The following PPM1L variants were observed in gnomAD, a reference collection of about 807,000 sequenced individuals.
PPM1L encodes the protein protein phosphatase 1L.
PPM1L carries 13 observed loss-of-function variants against 31.4 expected under a neutral mutation model. The observed-to-expected ratio is 0.41, with a 90% CI of 0.27 to 0.66. PPM1L has a LOEUF of 0.66. Ranked by LOEUF, PPM1L falls within the 30% of genes least tolerant of loss-of-function variation. The pLI, the probability that PPM1L is intolerant of heterozygous loss-of-function variation, is 0.29. For missense variants in PPM1L, 326 were observed against 453.7 expected (o/e 0.72, Z 2.56); for synonymous variants, 184 against 175.4 (o/e 1.05, Z -0.39).
intron 1 of PPM1L, among the ~76,000 whole-genome samples, chr3:160,827,312 A>AT (rs1325606828): frequency 6.6e-6 from 1 of 151,898 alleles, no homozygotes; most frequent in Non-Finnish European, 1.5e-5. Flanking sequence ...TTACTGGCTG[A>AT]TTTTTTAAAA....
chr3:160,827,116 T>G (rs1005709808), intron 1 of PPM1L, among the ~76,000 whole-genome samples: 3 of 152,194 alleles, frequency 2.0e-5, no homozygotes, highest in African/African-American at 7.2e-5. Flanking sequence ...CTCTTTGTGC[T>G]TGGCTGCTTT....
At chr3:160,922,114 T>C (rs1576715766) in intron 1 of PPM1L, among the ~76,000 whole-genome samples, 2 of 152,024 alleles carry the variant, frequency 1.3e-5, no homozygotes. Flanking sequence ...ATCAAGACCA[T>C]CCTGGCTAAC....
In PPM1L at chr3:160,835,086, T is replaced by TTCTTCTTCTTCTTTC. The variant is rs11474788; in HGVS notation, c.399+78380_399+78381insCTTCTTCTTCTTTCT. Reference sequence around the variant, plus strand: ...CTTCTTCTTCTTCTTCTTCTTCTTCTTTCTTTTTTCTTTCTTCTTTCTTCC... The same window carrying TTCTTCTTCTTCTTTC: ...CTTCTTCTTCTTCTTCTTCTTCTTCTTCTTCTTCTTCTTTCTTCTTTTTTCTTTCTTCTTTCTTCC... On this transcript the variant is annotated intron_variant, in intron 1 of 3. Coordinates refer to ENST00000498165, the MANE Select transcript of PPM1L (RefSeq NM_139245.4). 5.5e-3 allele frequency among the ~76,000 whole-genome samples: 585 copies of TTCTTCTTCTTCTTTC among 106,260 alleles called. 11 individuals are homozygous for TTCTTCTTCTTCTTTC. Among genetic ancestry groups the TTCTTCTTCTTCTTTC allele is most frequent in the African/African-American group, 0.021 (557 of 26,580 alleles). The allele number at this position is 106,260 out of a possible 152,430, so 69.7% of individuals were successfully genotyped here. A position where few individuals can be genotyped will look rare whatever the true frequency, so the allele number is the denominator to read the frequency against.
intron 1 of PPM1L, among the ~76,000 whole-genome samples, chr3:160,821,421 A>G (rs1328835810): frequency 6.6e-6 from 1 of 151,940 alleles, no homozygotes; most frequent in Non-Finnish European, 1.5e-5. Context: ...CATATTTTTT[A>G]ATTTCTGCAG....
Position 161,070,512 on chromosome 3 carries a change from T to C in PPM1L, c.*1355T>C, listed in dbSNP as rs997639522. Reference sequence around the variant, plus strand: ...TATTGATAAGTGGGCCAGAATTATTTAGGGGCCTGGCTTGCTGCTCTCCAT... The same window carrying C: ...TATTGATAAGTGGGCCAGAATTATTCAGGGGCCTGGCTTGCTGCTCTCCAT... On this transcript the variant is annotated 3_prime_UTR_variant, in exon 4 of 4. Coordinates refer to ENST00000498165, the MANE Select transcript of PPM1L (RefSeq NM_139245.4). The C allele has an allele frequency of 1.3e-5, 2 of 152,204 alleles. No homozygotes were observed. The highest frequency in any genetic ancestry group is 2.9e-5 in the Non-Finnish European group (2 of 68,040). The allele number at this position is 152,204 out of a possible 1,614,324, so 9.4% of individuals were successfully genotyped here.
intron 1 of PPM1L, among the ~76,000 whole-genome samples, chr3:160,771,657 CAT>C (rs1206616491): frequency 1.5e-5 from 2 of 136,586 alleles, no homozygotes; most frequent in Non-Finnish European, 3.0e-5. Flanking sequence ...GCAGAATAAA[CAT>C]GTGACTTTGG....
intron 1 of PPM1L, among the ~76,000 whole-genome samples, chr3:160,789,188 A>T (rs147394375): frequency 6.6e-6 from 1 of 151,856 alleles, no homozygotes; most frequent in African/African-American, 2.4e-5. Context: ...GATATTTTAC[A>T]TTTGTTACTA....
chr3:160,790,712 G>A (rs1042106942), intron 1 of PPM1L, among the ~76,000 whole-genome samples: 4 of 152,188 alleles, frequency 2.6e-5, no homozygotes, highest in South Asian at 4.1e-4. Flanking sequence ...TTTGGAGGTA[G>A]AACAGAGTGA....
At chr3:161,061,767 A>C (rs1245258902) in intron 2 of PPM1L, among the ~76,000 whole-genome samples, 1 of 152,224 alleles carries the variant, frequency 6.6e-6, no homozygotes, top group Non-Finnish European at 1.5e-5. Context: ...GGGGTCTAGA[A>C]CCAATCACCA....
Position 160,843,446 on chromosome 3 carries a change from A to ATATC in PPM1L, c.399+86742_399+86743insCTAT, listed in dbSNP as rs1281638454. Among the ~76,000 whole-genome samples the ATATC allele has an allele frequency of 1.8e-5, 2 of 109,802 alleles. 1 individual carries two copies. The highest frequency in any genetic ancestry group is 5.3e-4 in the East Asian group (2 of 3,770). The allele number at this position is 109,802 out of a possible 152,430, so 72.0% of individuals were successfully genotyped here. ...TTCTTTTATATATATATATATATATATATATATATATATATATATATATGT... is the reference window on the plus strand; with the variant it reads ...TTCTTTTATATATATATATATATATATATCTATATATATATATATATATATATGT... On this transcript the variant is annotated intron_variant, in intron 1 of 3. Transcript: ENST00000498165.
chr3:160,833,539 A>T (rs1489607073), intron 1 of PPM1L, among the ~76,000 whole-genome samples: 7 of 151,706 alleles, frequency 4.6e-5, no homozygotes, highest in Admixed American at 4.6e-4. Context: ...AGTGATGTTG[A>T]GCTTTTTTTC....
intron 1 of PPM1L, among the ~76,000 whole-genome samples, chr3:160,943,379 G>A (rs1311168351): frequency 6.6e-6 from 1 of 152,136 alleles, no homozygotes; most frequent in Non-Finnish European, 1.5e-5. Context: ...ATCAGTTGGA[G>A]TATTAAAGTT....
chr3:160,922,783 T>C (rs1293650019), intron 1 of PPM1L, among the ~76,000 whole-genome samples: 1 of 152,226 alleles, frequency 6.6e-6, no homozygotes, highest in African/African-American at 2.4e-5. Flanking sequence ...ATAAAACTTT[T>C]GTCTTTTTAA....
rs769088072 is a variant in PPM1L, at chr3:161,069,418, A to G, written c.*261A>G. 1 of 482,304 alleles carries G rather than the reference A, an allele frequency of 2.1e-6. No homozygotes were observed. Among genetic ancestry groups the G allele is most frequent in the Non-Finnish European group, 3.7e-6 (1 of 270,052 alleles). The allele number at this position is 482,304 out of a possible 1,614,324, so 29.9% of individuals were successfully genotyped here. A position where few individuals can be genotyped will look rare whatever the true frequency, so the allele number is the denominator to read the frequency against. On this transcript the variant is annotated 3_prime_UTR_variant, in exon 4 of 4. Coordinates refer to ENST00000498165, the MANE Select transcript of PPM1L (RefSeq NM_139245.4). Reference sequence around the variant, plus strand: ...CCAAAATATATAAGTAAATAGCTGTAGAGTCACATATATGAAGTGAATAGC... The same window carrying G: ...CCAAAATATATAAGTAAATAGCTGTGGAGTCACATATATGAAGTGAATAGC...
chr3:160,758,263 C>T (rs186935530), intron 1 of PPM1L, among the ~76,000 whole-genome samples: 1 of 152,206 alleles, frequency 6.6e-6, no homozygotes, highest in African/African-American at 2.4e-5. Context: ...AAAAACATAT[C>T]TTAATGACAA....
intron 2 of PPM1L, among the ~76,000 whole-genome samples, chr3:160,986,778 T>C (rs1716978873): frequency 1.3e-5 from 2 of 152,206 alleles, no homozygotes; most frequent in African/African-American, 4.8e-5. Flanking sequence ...CAGAGTCTCT[T>C]TCAGCTTTTC....
intron 1 of PPM1L, among the ~76,000 whole-genome samples, chr3:160,777,797 TG>T (rs1439071007): frequency 1.3e-5 from 2 of 152,234 alleles, no homozygotes; most frequent in Non-Finnish European, 2.9e-5. Flanking sequence ...TTATACCTCT[TG>T]GCTATTGTGA....
At chr3:160,917,239 C>T (rs1714216067) in intron 1 of PPM1L, among the ~76,000 whole-genome samples, 2 of 152,184 alleles carry the variant, frequency 1.3e-5, no homozygotes, top group African/African-American at 2.4e-5. Flanking sequence ...AATTTGGTCT[C>T]ATAATTCCAC....
intron 1 of PPM1L, among the ~76,000 whole-genome samples, chr3:160,774,010 G>A (rs775596630): frequency 3.3e-5 from 5 of 152,130 alleles, no homozygotes; most frequent in Non-Finnish European, 7.3e-5. Flanking sequence ...TATGGATTCA[G>A]CCATCCTTTC....
Sources: allele counts gnomAD v4.1 joint callset (sites outside exome capture counted in the v4.1 genomes callset), GRCh38; gene constraint gnomAD v4.1.1; transcripts MANE v1.5; gene names NCBI Gene and HGNC (gene_info 2026-07-23, HGNC 2026-07-21).